Variants in ACBD6 observed in about 807,000 individuals in gnomAD.
ACBD6 encodes the protein acyl-CoA binding domain containing 6.
ACBD6 carries 28 observed loss-of-function variants against 37.2 expected under a neutral mutation model. The observed-to-expected ratio is 0.75, with a 90% CI of 0.56 to 1.03. The LOEUF is 1.03. Among genes scored for constraint, ACBD6 ranks in the 50% least tolerant of loss-of-function variants. The pLI, the probability that ACBD6 is intolerant of heterozygous loss-of-function variation, is 0.00. For synonymous variants in ACBD6, 113 were observed against 126.8 expected (o/e 0.89, Z 0.73); for missense variants, 340 against 337.4 (o/e 1.01, Z -0.06).
intron 3 of ACBD6, among the ~76,000 whole-genome samples, chr1:180,467,472 A>AAAAAAAAAAAAAC (rs370655998): frequency 3.5e-5 from 4 of 114,524 alleles, no homozygotes; most frequent in Non-Finnish European, 5.0e-5. Context: ...AAAAAAAAAA[A>AAAAAAAAAAAAAC]CAAAAACAAA....
In ACBD6 at chr1:180,271,989, G is replaced by C. The variant is rs1177695030; in HGVS notation, c.*1254-18C>G. 3 of 1,612,708 alleles carry C rather than the reference G, an allele frequency of 1.9e-6. No homozygotes were observed. The Admixed American group carries it at 5.0e-5, about 27-fold the overall frequency. ...GCAGAGGACTGTGGGGTTAGTGACA[G>C]TGAGCTGAGCTTCCGAGGTGAGCAG... is the stretch of plus-strand genomic sequence containing the variant. On this transcript the variant is annotated intron_variant, in intron 13 of 13. Transcript: ENST00000642319.
chr1:180,434,519 T>C (rs755081873), intron 3 of ACBD6, among the ~76,000 whole-genome samples: 8 of 152,224 alleles, frequency 5.3e-5, no homozygotes, highest in Admixed American at 1.3e-4. Flanking sequence ...CATCTAACAG[T>C]GGCCACCTAT....
intron 6 of ACBD6, among the ~76,000 whole-genome samples, chr1:180,338,086 G>A (rs77648685): frequency 6.6e-6 from 1 of 152,138 alleles, no homozygotes; most frequent in Non-Finnish European, 1.5e-5. Flanking sequence ...AATCAATACC[G>A]TGAAAATGGC....
chr1:180,279,839 TAA>T (rs78141564), intron 9 of ACBD6, among the ~76,000 whole-genome samples: 7 of 142,760 alleles, frequency 4.9e-5, no homozygotes, highest in Admixed American at 2.1e-4. Flanking sequence ...TTCATTACAT[TAA>T]AAAAAAAAAA....
chr1:180,466,762 T>C (rs1026552616), intron 3 of ACBD6, among the ~76,000 whole-genome samples: 4 of 152,160 alleles, frequency 2.6e-5, no homozygotes, highest in Non-Finnish European at 5.9e-5. Flanking sequence ...GGCATGGTTT[T>C]GTTTTTTTCT....
chr1:180,456,048 TA>T (rs1475202422), intron 3 of ACBD6, among the ~76,000 whole-genome samples: 3 of 152,014 alleles, frequency 2.0e-5, no homozygotes, highest in East Asian at 3.9e-4. Context: ...CTGTCCCTAC[TA>T]AAAATACAAA....
chr1:180,331,749 T>C (rs557979981), intron 6 of ACBD6, among the ~76,000 whole-genome samples: 131 of 152,350 alleles, frequency 8.6e-4, no homozygotes, highest in African/African-American at 3.1e-3. Flanking sequence ...ATTCCACTTC[T>C]GTAAATTTTT....
chr1:180,361,730 C>A (rs1211076091), intron 6 of ACBD6, among the ~76,000 whole-genome samples: 6 of 152,086 alleles, frequency 3.9e-5, no homozygotes, highest in African/African-American at 7.2e-5. Context: ...CATTTTACAA[C>A]TTTCAAAATA....
intron 7 of ACBD6, among the ~76,000 whole-genome samples, chr1:180,296,492 C>T (rs112562471): frequency 0.063 from 9,539 of 152,098 alleles, 921 homozygotes; most frequent in African/African-American, 0.21. Flanking sequence ...TGCAGTGTTG[C>T]GATCTTGGCT....
chr1:180,347,365 T>TG lies in ACBD6; in HGVS notation c.664-32644_664-32643insC, dbSNP rs1203134600. The stretch of plus-strand genomic sequence containing the variant: ...ACTTAATTTTTCAACAGAAAGTTTT[T>TG]TTTTTTTTTTTTTTTTTGAGACAGA... On this transcript the variant is annotated intron_variant, in intron 6 of 7. Coordinates refer to ENST00000367595, the MANE Select transcript of ACBD6 (RefSeq NM_032360.4). Among the ~76,000 whole-genome samples the TG allele has an allele frequency of 8.2e-4, 112 of 136,946 alleles. 4 individuals carry two copies. Among genetic ancestry groups the TG allele is most frequent in the Non-Finnish European group, 1.5e-3 (99 of 66,704 alleles). 89.8% of individuals were successfully genotyped at this position (136,946 alleles called of 152,430 possible).
intron 6 of ACBD6, among the ~76,000 whole-genome samples, chr1:180,318,732 G>C (rs1571354101): frequency 1.3e-5 from 2 of 152,280 alleles, no homozygotes; most frequent in South Asian, 4.1e-4. Context: ...TTCTGTCAGT[G>C]GGTAGAATTT....
At chr1:180,388,452 A>G (rs1165074673) in intron 6 of ACBD6, among the ~76,000 whole-genome samples, 2 of 152,244 alleles carry the variant, frequency 1.3e-5, no homozygotes, top group African/African-American at 4.8e-5. Flanking sequence ...AGTATTTCCC[A>G]TCTGGTTTTA....
chr1:180,271,578 G>C, exon 14 of ACBD6: 1 of 1,610,304 alleles, frequency 6.2e-7, no homozygotes, highest in Non-Finnish European at 8.5e-7. Context: ...TCCCAGGCCC[G>C]GGACAGGGGT....
chr1:180,336,186 C>T (rs2149303412), intron 6 of ACBD6, among the ~76,000 whole-genome samples: 1 of 149,776 alleles, frequency 6.7e-6, no homozygotes, highest in South Asian at 2.1e-4. Flanking sequence ...CAGAACTCTC[C>T]ACCCCAAATC....
At chr1:180,420,896 C>T (rs561459561) in intron 4 of ACBD6, among the ~76,000 whole-genome samples, 66 of 152,220 alleles carry the variant, frequency 4.3e-4, no homozygotes, top group African/African-American at 1.6e-3. Flanking sequence ...AATCCTGGTG[C>T]TTCCTTCTCT....
At chr1:180,351,915 G>C (rs1015231326) in intron 6 of ACBD6, among the ~76,000 whole-genome samples, 8 of 152,182 alleles carry the variant, frequency 5.3e-5, no homozygotes, top group Admixed American at 3.3e-4. Flanking sequence ...ATCAGCAGAT[G>C]AAAGGATAAA....
rs180819160 is a variant in ACBD6 at position 180,411,960 on chromosome 1, G to A, written c.573+1406C>T. ...GCTGGGATTACAGGCGTGAGCCACC[G>A]CGTCTGGCCAGTAAACACAACTTTT... On this transcript the variant is annotated intron_variant, in intron 5 of 7. Transcript: ENST00000367595. Among the ~76,000 whole-genome samples, 427 of 152,152 alleles carry A rather than the reference G, an allele frequency of 2.8e-3. 3 individuals are homozygous for A. The highest frequency in any genetic ancestry group is 6.8e-3 in the Middle Eastern group (2 of 294).
At chr1:180,426,815 A>T (rs900179160) in intron 4 of ACBD6, among the ~76,000 whole-genome samples, 2 of 152,216 alleles carry the variant, frequency 1.3e-5, no homozygotes, top group African/African-American at 4.8e-5. Flanking sequence ...AAGTGAGATA[A>T]GTACTATAAT....
chr1:180,330,952 A>G (rs1651457971), intron 6 of ACBD6, among the ~76,000 whole-genome samples: 1 of 152,230 alleles, frequency 6.6e-6, no homozygotes, highest in Admixed American at 6.5e-5. Context: ...GACAGAAACC[A>G]TTCCAAATTT....
Sources: allele counts gnomAD v4.1 joint callset (sites outside exome capture counted in the v4.1 genomes callset), GRCh38; gene constraint gnomAD v4.1.1; transcripts MANE v1.5; gene names NCBI Gene and HGNC (gene_info 2026-07-23, HGNC 2026-07-21).